CACHD1: variants seen among roughly 807,000 people sequenced by gnomAD.
The protein encoded by CACHD1 is VWFA and cache domain-containing protein 1.
In CACHD1, 71 loss-of-function variants were observed where a neutral mutation model predicts 138.7. The ratio of observed to expected loss-of-function variants is 0.51; its 90% CI spans 0.42 to 0.62. The LOEUF (loss-of-function observed/expected upper bound fraction) is 0.62, where lower values mean the gene tolerates loss of function less well. CACHD1 is among the 20% of genes least tolerant of loss of function. The pLI is 0.00. For missense variants in CACHD1, 1,389 were observed against 1,625.3 expected, an observed-to-expected ratio of 0.85 and a Z score of 2.50; for synonymous variants, 578 against 591.5, an observed-to-expected ratio of 0.98 and a Z score of 0.33.
In CACHD1 at chr1:64,674,770, C is replaced by T. The variant is rs2100724879; in HGVS notation, c.2728-631C>T. Among the ~76,000 whole-genome samples, 3 of 152,290 alleles carry T rather than the reference C, an allele frequency of 2.0e-5. No individual in the cohort carries two copies. In the South Asian group the frequency reaches 6.2e-4, roughly 32 times the overall value. ...AGAAAAATGATTACATGCAACTCTA[C>T]AATACCACTTTGGAATCTTTGATTT... On this transcript the variant is annotated intron_variant, in intron 19 of 26. Coordinates refer to ENST00000651257, the MANE Select transcript of CACHD1 (RefSeq NM_020925.4).
At chr1:64,678,890 TC>T (rs1198731035) in intron 23 of CACHD1, among the ~76,000 whole-genome samples, 1 of 152,166 alleles carries the variant, frequency 6.6e-6, no homozygotes, top group East Asian at 1.9e-4. Context: ...ATTTTTTTTT[TC>T]AGTCTTTCCA....
chr1:64,663,602 G>C (rs1649523227), intron 13 of CACHD1, 93 bp from the exon 14 acceptor site: 2 of 1,421,374 alleles, frequency 1.4e-6, no homozygotes, highest in African/African-American at 1.4e-5. Context: ...AGCCACCATA[G>C]CTGACAGATT....
At chr1:64,493,977 G>A (rs1447229676) in intron 1 of CACHD1, among the ~76,000 whole-genome samples, 1 of 152,182 alleles carries the variant, frequency 6.6e-6, no homozygotes, top group Non-Finnish European at 1.5e-5. Flanking sequence ...AAGTCTCTCT[G>A]TCACCGAATG....
At chr1:64,610,879 T>C (rs181215095) in intron 4 of CACHD1, among the ~76,000 whole-genome samples, 108 of 152,276 alleles carry the variant, frequency 7.1e-4, no homozygotes, top group African/African-American at 2.4e-3. Flanking sequence ...TCTCCATGAG[T>C]GCCCCACCCC....
intron 1 of CACHD1, among the ~76,000 whole-genome samples, chr1:64,543,443 T>C (rs974239073): frequency 2.1e-5 from 3 of 140,340 alleles, no homozygotes; most frequent in African/African-American, 8.7e-5. Context: ...TAGCCAGCAG[T>C]GGTGATGCAC....
Position 64,652,155 on chromosome 1 carries a change from C to A in CACHD1, c.1391-6C>A. The A allele has an allele frequency of 1.2e-6, 2 of 1,601,872 alleles. No individual in the cohort carries two copies. The highest frequency in any genetic ancestry group is 2.2e-5 in the East Asian group (1 of 44,558). Reference sequence around the variant, plus strand: ...TCTTTAGATTTATTTTGTTTTTAACCCATAGGTTTGATAATGACTGTGAGT... The same window carrying A: ...TCTTTAGATTTATTTTGTTTTTAACACATAGGTTTGATAATGACTGTGAGT... On this transcript the variant is annotated splice_polypyrimidine_tract_variant and splice_region_variant and intron_variant, in intron 9 of 26. Coordinates refer to ENST00000651257, the MANE Select transcript of CACHD1 (RefSeq NM_020925.4).
chr1:64,675,599 C>T (rs1649959332), intron 20 of CACHD1, 38 bp downstream of exon 20: 1 of 1,567,976 alleles, frequency 6.4e-7, no homozygotes, highest in Non-Finnish European at 8.7e-7. Flanking sequence ...GTTCACCACA[C>T]TGTTTAATAT....
rs141577729 is a variant in CACHD1 at position 64,682,036 on chromosome 1, C to T, written c.3516C>T (p.Ile1172=). ...ISNTRFIAAV[I]ERHAHSPERR... ...ACACTCGGTTTATAGCTGCGGTCATCGAACGACATGCACACAGTCCAGAAA... is the reference window on the plus strand; with the variant it reads ...ACACTCGGTTTATAGCTGCGGTCATTGAACGACATGCACACAGTCCAGAAA... Residue 1172 remains isoleucine, a synonymous_variant, in exon 26 of 27, where the codon ATC becomes ATT. Transcript: ENST00000651257. The T allele has an allele frequency of 1.2e-4, 194 of 1,614,084 alleles. No homozygotes were observed. In the African/African-American group the frequency reaches 1.9e-3, roughly 16 times the overall value.
At chr1:64,580,838 G>T (rs1399651630) in intron 2 of CACHD1, among the ~76,000 whole-genome samples, 1 of 152,146 alleles carries the variant, frequency 6.6e-6, no homozygotes, top group East Asian at 1.9e-4. Context: ...AATGTCCCCT[G>T]AGGGTGGCAA....
intron 3 of CACHD1, among the ~76,000 whole-genome samples, chr1:64,598,536 G>A (rs1489612817): frequency 1.3e-5 from 2 of 152,192 alleles, no homozygotes; most frequent in East Asian, 1.9e-4. Flanking sequence ...TCCAGCAACT[G>A]TGCTAGACGT....
Position 64,666,113 on chromosome 1 carries a change from A to G in CACHD1, c.2333A>G (p.Asp778Gly). 6.2e-7 allele frequency: 1 copy of G among 1,613,486 alleles called. No homozygotes were observed. Among genetic ancestry groups the G allele is most frequent in the Non-Finnish European group, 8.5e-7 (1 of 1,179,486 alleles). The change falls in exon 16 of 27, where the codon GAT becomes GGT. Residue 778 changes from aspartate (D) to glycine (G), a missense_variant. Transcript: ENST00000651257. ...ATTTCTTTGACTGGTCCTTACTTAG[A>G]TGTTGGAGGAGCTGGTTATGTTGTG... ...GLISLTGPYLDVGGAGYVVTI... is the reference protein window; with the variant it reads ...GLISLTGPYLGVGGAGYVVTI...
At chr1:64,666,370 C>T (rs1649633478) in intron 16 of CACHD1, among the ~76,000 whole-genome samples, 1 of 152,096 alleles carries the variant, frequency 6.6e-6, no homozygotes, top group African/African-American at 2.4e-5. Context: ...GGAATGATAC[C>T]TACCTCACAT....
chr1:64,583,424 T>C (rs906671416), intron 3 of CACHD1, among the ~76,000 whole-genome samples: 1 of 152,218 alleles, frequency 6.6e-6, no homozygotes, highest in Non-Finnish European at 1.5e-5. Flanking sequence ...ATTTGGTGTC[T>C]TTGAGCAACC....
At chr1:64,629,239 AT>A (rs1648216031) in intron 4 of CACHD1, 115 bp from the exon 5 acceptor site, 1 of 1,112,486 alleles carries the variant, frequency 9.0e-7, no homozygotes, top group African/African-American at 1.6e-5. Context: ...ACAATCTTGT[AT>A]CTAGTGGGAT....
chr1:64,487,408 C>CTA (rs1471961387), intron 1 of CACHD1, among the ~76,000 whole-genome samples: 14 of 152,158 alleles, frequency 9.2e-5, no homozygotes, highest in African/African-American at 3.4e-4. Flanking sequence ...AATGGGATTA[C>CTA]ATTAGTTTAT....
intron 4 of CACHD1, among the ~76,000 whole-genome samples, chr1:64,622,827 T>G (rs1366774245): frequency 6.6e-6 from 1 of 152,204 alleles, no homozygotes; most frequent in Non-Finnish European, 1.5e-5. Context: ...TCAATACATT[T>G]TCACTGTTTT....
At chr1:64,658,213 T>G (rs538340130) in intron 12 of CACHD1, among the ~76,000 whole-genome samples, 1 of 152,352 alleles carries the variant, frequency 6.6e-6, no homozygotes, top group East Asian at 1.9e-4. Context: ...ATAGAATGAA[T>G]GAACTGGATT....
chr1:64,640,792 G>A (rs10732835), intron 7 of CACHD1, among the ~76,000 whole-genome samples: 148,991 of 151,514 alleles, frequency 0.98, 73,299 homozygotes, highest in East Asian at 1. Flanking sequence ...TACAGATTAG[G>A]AAGAAGATGT....
intron 2 of CACHD1, among the ~76,000 whole-genome samples, chr1:64,577,104 T>C (rs1372273674): frequency 6.6e-6 from 1 of 151,894 alleles, no homozygotes; most frequent in Non-Finnish European, 1.5e-5. Context: ...CCAATATTCT[T>C]GGCTAATTTT....
Sources: gnomAD v4.1 joint callset for allele counts (sites outside exome capture counted in the v4.1 genomes callset) on GRCh38, gnomAD v4.1.1 for gene constraint, MANE v1.5 for transcripts, NCBI Gene and HGNC (gene_info 2026-07-23, HGNC 2026-07-21) for gene names.